The following ACER2 variants were observed in gnomAD, a reference collection of about 807,000 sequenced individuals.
The protein encoded by ACER2 is alkCDase 2.
A neutral mutation model predicts 34.7 loss-of-function variants in ACER2; 26 were observed. That is an observed-to-expected ratio of 0.75 (90% CI 0.55 to 1.04). The LOEUF is 1.04. Ranked by LOEUF, ACER2 falls within the 50% of genes least tolerant of loss-of-function variation. The pLI is 0.00. For missense variants in ACER2, 352 were observed against 340.8 expected (o/e 1.03, Z -0.26); for synonymous variants, 138 against 132.1 (o/e 1.04, Z -0.31).
At chr9:19,442,164 T>C (rs1831176691) in intron 4 of ACER2, among the ~76,000 whole-genome samples, 1 of 152,130 alleles carries the variant, frequency 6.6e-6, no homozygotes, top group African/African-American at 2.4e-5. Flanking sequence ...GCCGAGTAAC[T>C]CAGATACATT....
chr9:19,437,435 A>T (rs1439519267), intron 4 of ACER2, among the ~76,000 whole-genome samples: 1 of 151,998 alleles, frequency 6.6e-6, no homozygotes, highest in African/African-American at 2.4e-5. Context: ...GCAATGTTTC[A>T]TCTGTCACCT....
intron 1 of ACER2, among the ~76,000 whole-genome samples, chr9:19,411,323 G>A (rs768808076): frequency 2.0e-5 from 3 of 152,106 alleles, no homozygotes; most frequent in Non-Finnish European, 4.4e-5. Flanking sequence ...TAAGGTCATT[G>A]CCTAACTTTG....
Position 19,452,339 on chromosome 9 carries a change from A to G in ACER2, c.*1703A>G, listed in dbSNP as rs908588054. Among the ~76,000 whole-genome samples, 3 of 152,210 alleles carry G rather than the reference A, an allele frequency of 2.0e-5. No homozygotes were observed. Among genetic ancestry groups the G allele is most frequent in the African/African-American group, 7.2e-5 (3 of 41,448 alleles). ...TACCAGATCCAAGGTGAAAACCCCA[A>G]TAAGCAACTGAATTTAGAGTTTAAA... On this transcript the variant is annotated 3_prime_UTR_variant, in exon 6 of 6. Transcript: ENST00000340967.
At chr9:19,410,556 C>G (rs1830058027) in intron 1 of ACER2, among the ~76,000 whole-genome samples, 1 of 151,696 alleles carries the variant, frequency 6.6e-6, no homozygotes, top group Non-Finnish European at 1.5e-5. Flanking sequence ...CAAAAAAATA[C>G]AAAAATTAGC....
chr9:19,436,131 G>T (rs1398179080), intron 4 of ACER2, among the ~76,000 whole-genome samples: 1 of 151,292 alleles, frequency 6.6e-6, no homozygotes, highest in African/African-American at 2.4e-5. Flanking sequence ...GTGCTCAGGG[G>T]TTCTCAAACT....
intron 1 of ACER2, among the ~76,000 whole-genome samples, chr9:19,418,172 G>A (rs1159998587): frequency 6.6e-6 from 1 of 152,172 alleles, no homozygotes; most frequent in Non-Finnish European, 1.5e-5. Context: ...AGTTAGAATG[G>A]CGATCATTAA....
intron 1 of ACER2, among the ~76,000 whole-genome samples, chr9:19,418,225 AG>A (rs1830293273): frequency 6.6e-6 from 1 of 152,232 alleles, no homozygotes; most frequent in African/African-American, 2.4e-5. Context: ...GTGGAGAAAT[AG>A]GAACACTTTT....
chr9:19,413,753 C>G (rs10811179), intron 1 of ACER2, among the ~76,000 whole-genome samples: 21,424 of 152,100 alleles, frequency 0.14, 1,602 homozygotes, highest in South Asian at 0.25. Context: ...GTCAACTGAT[C>G]GCTGAAAAGA....
intron 3 of ACER2, among the ~76,000 whole-genome samples, chr9:19,431,545 G>A (rs1003325127): frequency 1.3e-5 from 2 of 152,220 alleles, no homozygotes; most frequent in African/African-American, 4.8e-5. Flanking sequence ...AAACCCAGTG[G>A]AAGAGTTATT....
At chr9:19,438,129 C>G (rs540881131) in intron 4 of ACER2, among the ~76,000 whole-genome samples, 1 of 152,180 alleles carries the variant, frequency 6.6e-6, no homozygotes, top group Non-Finnish European at 1.5e-5. Flanking sequence ...GGTCTCAGTT[C>G]AGGCTTTTAC....
At chr9:19,425,664 G>A (rs184377998) in intron 3 of ACER2, among the ~76,000 whole-genome samples, 2 of 152,332 alleles carry the variant, frequency 1.3e-5, no homozygotes, top group East Asian at 3.9e-4. Context: ...TTAGGGTGCT[G>A]ATTTAGAGTT....
At chr9:19,414,936 T>G (rs971376828) in intron 1 of ACER2, among the ~76,000 whole-genome samples, 72 of 152,132 alleles carry the variant, frequency 4.7e-4, no homozygotes, top group African/African-American at 1.7e-3. Flanking sequence ...TCAGTAGAGA[T>G]GGATCCATGA....
intron 1 of ACER2, among the ~76,000 whole-genome samples, chr9:19,422,823 G>A (rs1000505726): frequency 2.6e-5 from 4 of 152,056 alleles, no homozygotes; most frequent in African/African-American, 4.8e-5. Flanking sequence ...CCTGAGGTCA[G>A]GAGTTTGAGA....
In ACER2 at chr9:19,424,858, CATT is replaced by C; in HGVS notation, c.365+21_365+23del. On this transcript the variant is annotated intron_variant, in intron 3 of 5. Transcript: ENST00000340967. ...GAATGACCGGTAAGCTTGCACTAAA[CATT>C]ATTGCATTTACCACTAGGTGCAGTA... 1.2e-6 allele frequency: 2 copies of C among 1,613,898 alleles called. No individual in the cohort carries two copies. The highest frequency in any genetic ancestry group is 1.7e-6 in the Non-Finnish European group (2 of 1,179,918).
chr9:19,431,725 G>T (rs1051713559), intron 3 of ACER2, among the ~76,000 whole-genome samples: 1 of 152,164 alleles, frequency 6.6e-6, no homozygotes, highest in East Asian at 1.9e-4. Context: ...TTTTCCTCTG[G>T]TAGAGGTTCA....
chr9:19,442,598 G>A (rs1474737914), intron 4 of ACER2, among the ~76,000 whole-genome samples: 1 of 152,204 alleles, frequency 6.6e-6, no homozygotes, highest in African/African-American at 2.4e-5. Flanking sequence ...CTCGGTTGAT[G>A]CCCTCCATGC....
rs528326766 is a variant in ACER2, at chr9:19,427,835, T to G, written c.365+2994T>G. ...GCGCCCGCCACCACGCCTGGCTAAT[T>G]TTTTGTATTTTTAGTAGAGATGGGG... is the stretch of plus-strand genomic sequence containing the variant. On this transcript the variant is annotated intron_variant, in intron 3 of 5. Transcript: ENST00000340967. Among the ~76,000 whole-genome samples, 5 of 151,382 alleles carry G rather than the reference T, an allele frequency of 3.3e-5. No individual in the cohort carries two copies. The East Asian group carries it at 5.9e-4, about 18-fold the overall frequency.
At position 19,409,190 on chromosome 9, in the gene ACER2, A is replaced by G. The variant is rs1176203075; in HGVS notation, c.106A>G (p.Thr36Ala). ...IVPAIAEFYN[T>A]ISNVLFFILP... Reference sequence around the variant, plus strand: ...GCCTGCTATCGCCGAGTTCTACAACACGGTGCGGGGCGCGGGAGCGGGGAA... The same window carrying G: ...GCCTGCTATCGCCGAGTTCTACAACGCGGTGCGGGGCGCGGGAGCGGGGAA... The change falls in exon 1 of 6, where the codon ACG becomes GCG. Residue 36 changes from threonine to alanine, a missense_variant and splice_region_variant. By Grantham distance (58) the Thr-to-Ala change is moderately conservative. Transcript: ENST00000340967. The G allele has an allele frequency of 5.7e-6, 9 of 1,579,278 alleles. No homozygotes were observed. Among genetic ancestry groups the G allele is most frequent in the East Asian group, 4.6e-5 (2 of 43,378 alleles).
intron 4 of ACER2, 164 bp from the exon 5 acceptor site, chr9:19,446,117 A>G: frequency 2.0e-6 from 2 of 1,005,718 alleles, no homozygotes; most frequent in Non-Finnish European, 3.2e-6. Flanking sequence ...TACATATGGT[A>G]TTTACATCCA....
Sources: allele counts gnomAD v4.1 joint callset (sites outside exome capture counted in the v4.1 genomes callset), GRCh38; gene constraint gnomAD v4.1.1; transcripts MANE v1.5; gene names NCBI Gene and HGNC (gene_info 2026-07-23, HGNC 2026-07-21).